Variants in CREB5 observed in about 807,000 individuals in gnomAD.
CREB5 encodes cAMP responsive element binding protein 5.
CREB5 carries 19 observed loss-of-function variants against 57.1 expected under a neutral mutation model. The observed-to-expected ratio is 0.33, with a 90% CI of 0.23 to 0.49. The LOEUF is 0.49. Among genes scored for constraint, CREB5 ranks in the 20% least tolerant of loss-of-function variants. CREB5 has a pLI of 0.99. For missense variants in CREB5, 579 were observed against 671.6 expected, an observed-to-expected ratio of 0.86 and a Z score of 1.52; for synonymous variants, 238 against 238.3, an observed-to-expected ratio of 1.00 and a Z score of 0.01.
intron 4 of CREB5, among the ~76,000 whole-genome samples, chr7:28,544,787 CAG>C (rs1183721546): frequency 1.3e-5 from 2 of 152,068 alleles, no homozygotes; most frequent in African/African-American, 2.4e-5. Context: ...GGGCTGGAAA[CAG>C]AGAAGGGAGC....
At chr7:28,334,877 T>C (rs1785790182) in intron 1 of CREB5, among the ~76,000 whole-genome samples, 1 of 152,214 alleles carries the variant, frequency 6.6e-6, no homozygotes. Context: ...ATTTGATTTT[T>C]GTATATGGTG....
intron 7 of CREB5, among the ~76,000 whole-genome samples, chr7:28,773,699 T>TC (rs1309407275): frequency 6.6e-6 from 1 of 152,208 alleles, no homozygotes; most frequent in African/African-American, 2.4e-5. Context: ...TCTTTCTGCT[T>TC]TCCCTGTTTG....
At chr7:28,517,893 C>G (rs1793042165) in intron 4 of CREB5, among the ~76,000 whole-genome samples, 1 of 152,150 alleles carries the variant, frequency 6.6e-6, no homozygotes, top group Non-Finnish European at 1.5e-5. Context: ...CTTTCAGCAT[C>G]TCCTCTAAGC....
chr7:28,300,066 A>C (rs1255496316), intron 1 of CREB5, among the ~76,000 whole-genome samples: 1 of 116,366 alleles, frequency 8.6e-6, no homozygotes, highest in Non-Finnish European at 1.9e-5. Context: ...TTATTTATTT[A>C]TTTATTTATT....
intron 1 of CREB5, among the ~76,000 whole-genome samples, chr7:28,398,201 A>G (rs558039521): frequency 6.6e-6 from 1 of 152,054 alleles, no homozygotes; most frequent in Admixed American, 6.5e-5. Flanking sequence ...TGGTACCACC[A>G]TTTTCTCCTT....
intron 1 of CREB5, among the ~76,000 whole-genome samples, chr7:28,303,931 T>G (rs1785143027): frequency 6.6e-6 from 1 of 152,116 alleles, no homozygotes; most frequent in African/African-American, 2.4e-5. Flanking sequence ...ATAAATATAG[T>G]TTTAGAATAA....
chr7:28,524,141 G>A (rs1455871112), intron 4 of CREB5, among the ~76,000 whole-genome samples: 24 of 152,160 alleles, frequency 1.6e-4, no homozygotes, highest in Non-Finnish European at 5.9e-5. Flanking sequence ...TACCTCTGAA[G>A]TAAGATGTCT....
chr7:28,475,296 C>T (rs550553177), intron 1 of CREB5, among the ~76,000 whole-genome samples: 11 of 100,452 alleles, frequency 1.1e-4, no homozygotes, highest in Admixed American at 3.1e-4. Flanking sequence ...TTAGGCTAGG[C>T]GTGGTGGCTC....
intron 7 of CREB5, among the ~76,000 whole-genome samples, chr7:28,730,956 T>C (rs1214312023): frequency 6.6e-6 from 1 of 152,208 alleles, no homozygotes; most frequent in African/African-American, 2.4e-5. Flanking sequence ...AAAGTAAGAT[T>C]AGGCTCAAAT....
intron 1 of CREB5, among the ~76,000 whole-genome samples, chr7:28,474,962 T>C (rs6462091): frequency 0.33 from 50,011 of 152,060 alleles, 8,831 homozygotes; most frequent in East Asian, 0.64. Flanking sequence ...GAAAGATATG[T>C]TTTCATTAAA....
At chr7:28,357,392 C>T (rs932112940) in intron 1 of CREB5, among the ~76,000 whole-genome samples, 4 of 152,202 alleles carry the variant, frequency 2.6e-5, no homozygotes, top group East Asian at 3.9e-4. Context: ...TCAGGTTGGA[C>T]CTGCCCATAT....
intron 1 of CREB5, among the ~76,000 whole-genome samples, chr7:28,318,372 T>G (rs930858074): frequency 5.3e-5 from 8 of 152,262 alleles, no homozygotes; most frequent in African/African-American, 9.6e-5. Context: ...GGAATATCCA[T>G]GCAAGACAAA....
At chr7:28,734,903 A>G (rs1397528185) in intron 7 of CREB5, among the ~76,000 whole-genome samples, 3 of 152,032 alleles carry the variant, frequency 2.0e-5, no homozygotes, top group African/African-American at 7.2e-5. Context: ...TTCTTTGATA[A>G]ATTTCTTTAC....
intron 1 of CREB5, among the ~76,000 whole-genome samples, chr7:28,466,510 G>A (rs1325729592): frequency 1.3e-5 from 2 of 152,148 alleles, no homozygotes. Context: ...TTTCAGTAGG[G>A]TTGTGGTGAG....
chr7:28,607,182 T>G (rs977634219), intron 5 of CREB5, among the ~76,000 whole-genome samples: 14 of 152,192 alleles, frequency 9.2e-5, no homozygotes, highest in Non-Finnish European at 1.5e-5. Flanking sequence ...AGTTGTAATT[T>G]TCTGCTCATC....
chr7:28,351,982 T>C (rs925139981), intron 1 of CREB5, among the ~76,000 whole-genome samples: 3 of 152,202 alleles, frequency 2.0e-5, no homozygotes, highest in African/African-American at 7.2e-5. Context: ...TAATTGCCAG[T>C]TTTAAAGTGT....
At chr7:28,467,467 C>G (rs546933717) in intron 1 of CREB5, among the ~76,000 whole-genome samples, 1 of 152,276 alleles carries the variant, frequency 6.6e-6, no homozygotes, top group East Asian at 1.9e-4. Context: ...CCAATAAGTC[C>G]TGTCTACTGT....
intron 1 of CREB5, among the ~76,000 whole-genome samples, chr7:28,368,847 G>C (rs1489915441): frequency 1.3e-5 from 2 of 152,214 alleles, no homozygotes; most frequent in Non-Finnish European, 2.9e-5. Flanking sequence ...AGGAGTTTGA[G>C]ACCAGCCTGG....
intron 1 of CREB5, among the ~76,000 whole-genome samples, chr7:28,413,247 A>G (rs1233341077): frequency 2.6e-5 from 4 of 152,108 alleles, no homozygotes; most frequent in African/African-American, 7.2e-5. Context: ...AGGTTTCATG[A>G]ATCACTTCAA....
Sources: allele counts gnomAD v4.1 joint callset (sites outside exome capture counted in the v4.1 genomes callset), GRCh38; gene constraint gnomAD v4.1.1; transcripts MANE v1.5; gene names NCBI Gene and HGNC (gene_info 2026-07-23, HGNC 2026-07-21).